Variants in ALDH1L1 observed in about 807,000 individuals in gnomAD.
The protein encoded by ALDH1L1 is aldehyde dehydrogenase 1 family member L1.
A neutral mutation model predicts 101.1 loss-of-function variants in ALDH1L1; 68 were observed. That is an observed-to-expected ratio of 0.67 (90% CI 0.55 to 0.82). ALDH1L1 has a LOEUF of 0.82. Among genes scored for constraint, ALDH1L1 ranks in the 40% least tolerant of loss-of-function variants. ALDH1L1 has a pLI of 0.00. For missense variants in ALDH1L1, 1,087 were observed against 1,172.7 expected (o/e 0.93, Z 1.07); for synonymous variants, 486 against 470.8 (o/e 1.03, Z -0.42).
At chr3:126,124,049 A>G (rs1178245970) in intron 16 of ALDH1L1, among the ~76,000 whole-genome samples, 1 of 152,088 alleles carries the variant, frequency 6.6e-6, no homozygotes, top group Non-Finnish European at 1.5e-5. Flanking sequence ...CTAAAGAAAA[A>G]TTCTCTCAAA....
chr3:126,144,052 T>C (rs1332587847), intron 9 of ALDH1L1, among the ~76,000 whole-genome samples: 3 of 152,168 alleles, frequency 2.0e-5, no homozygotes, highest in African/African-American at 7.2e-5. Context: ...AAAAAAACAG[T>C]TGCAACTCCA....
intron 1 of ALDH1L1, among the ~76,000 whole-genome samples, chr3:126,178,907 G>A (rs2081416516): frequency 6.6e-6 from 1 of 150,782 alleles, no homozygotes; most frequent in African/African-American, 2.5e-5. Context: ...TTAACTGAAT[G>A]TTCTTTTTTT....
chr3:126,178,252 A>G (rs111980730), intron 1 of ALDH1L1, among the ~76,000 whole-genome samples: 7,578 of 151,330 alleles, frequency 0.05, 292 homozygotes, highest in Admixed American at 0.12. Flanking sequence ...GTGGTTGTGC[A>G]TGCCTGTAGT....
chr3:126,192,355 A>G (rs1868135), intron 1 of ALDH1L1, among the ~76,000 whole-genome samples: 97,372 of 152,014 alleles, frequency 0.64, 31,300 homozygotes, highest in African/African-American at 0.69. Context: ...GATAATTTAC[A>G]TAAAGGTTTA....
rs1037604393 is a variant in ALDH1L1 at position 126,136,672 on chromosome 3, C to T, written c.1344+92G>A. 3.3e-6 allele frequency: 5 copies of T among 1,519,702 alleles called. No homozygotes were observed. The African/African-American group carries it at 6.9e-5, about 21-fold the overall frequency. 94.1% of individuals were successfully genotyped at this position (1,519,702 alleles called of 1,614,324 possible). A position where few individuals can be genotyped will look rare whatever the true frequency, so the allele number is the denominator to read the frequency against. ...AGGCACATGTCCAAGCAGAGACTCTCAGGGTCAGGACCCCCAGAGGCCAGT... is the reference window on the plus strand; with the variant it reads ...AGGCACATGTCCAAGCAGAGACTCTTAGGGTCAGGACCCCCAGAGGCCAGT... On this transcript the variant is annotated intron_variant, in intron 11 of 22. Coordinates refer to ENST00000393434, the MANE Select transcript of ALDH1L1 (RefSeq NM_012190.4).
chr3:126,178,966 T>C (rs1167644548), intron 1 of ALDH1L1, among the ~76,000 whole-genome samples: 1 of 151,592 alleles, frequency 6.6e-6, no homozygotes, highest in Admixed American at 6.6e-5. Context: ...GAGTATGTCG[T>C]TCCCCCCCTG....
intron 18 of ALDH1L1, 97 bp downstream of exon 18, chr3:126,114,460 G>A (rs1031085621): frequency 4.7e-5 from 46 of 989,108 alleles, no homozygotes; most frequent in African/African-American, 4.9e-5. Flanking sequence ...AGGGCTACAC[G>A]TGTGAGTGTG....
At chr3:126,179,329 G>A (rs2108343199) in intron 1 of ALDH1L1, among the ~76,000 whole-genome samples, 1 of 152,376 alleles carries the variant, frequency 6.6e-6, no homozygotes, top group Middle Eastern at 3.4e-3. Flanking sequence ...CTGCAGGACT[G>A]CAGCTCTGGG....
Position 126,160,951 on chromosome 3 carries a change from A to G in ALDH1L1, c.29T>C (p.Leu10Pro), listed in dbSNP as rs889438282. 6 of 1,614,110 alleles carry G rather than the reference A, an allele frequency of 3.7e-6. No individual in the cohort carries two copies. In the Admixed American group the frequency reaches 6.7e-5, roughly 18 times the overall value. ...GTGGCAGTAAACTTCCTGGCCAAAC[A>G]GGCTCTGTCCAATCACTGCAATCTT... MKIAVIGQS[L>P]FGQEVYCHLR... The change falls in exon 2 of 23, where the codon CTG becomes CCG. Residue 10 changes from leucine (L) to proline (P), a missense_variant. Around this residue, in one of 2 missense-constraint regions of ALDH1L1, gnomAD observed 645 missense variants for 637.0 expected, o/e 1.01. Transcript: ENST00000393434.
At chr3:126,127,617 G>T (rs959852948) in intron 14 of ALDH1L1, among the ~76,000 whole-genome samples, 1 of 152,198 alleles carries the variant, frequency 6.6e-6, no homozygotes, top group Non-Finnish European at 1.5e-5. Flanking sequence ...GGGCCAGGGT[G>T]CGGCTGAAGA....
intron 17 of ALDH1L1, among the ~76,000 whole-genome samples, chr3:126,117,560 G>A (rs1449168686): frequency 6.6e-6 from 1 of 151,574 alleles, no homozygotes; most frequent in Non-Finnish European, 1.5e-5. Flanking sequence ...GGAGGCTGAG[G>A]AGCATCACTT....
At chr3:126,114,753 C>T (rs769417702) in intron 17 of ALDH1L1, 97 bp from the exon 18 acceptor site, 165 of 1,192,776 alleles carry the variant, frequency 1.4e-4, no homozygotes, top group Non-Finnish European at 2.0e-4. Context: ...CCAAAGCATG[C>T]TTTGCTGCAA....
At position 126,105,749 on chromosome 3, in the gene ALDH1L1, T is replaced by C; in HGVS notation, c.2630A>G (p.Gln877Arg). Residue 877 changes from glutamine to arginine, a missense_variant, in exon 22 of 23, where the codon CAG (glutamine) becomes CGG (arginine). Around this residue, in one of 2 missense-constraint regions of ALDH1L1, gnomAD observed 442 missense variants for 535.7 expected, o/e 0.83. Coordinates refer to ENST00000393434, the MANE Select transcript of ALDH1L1 (RefSeq NM_012190.4). Reference sequence around the variant, plus strand: ...ACCTAGATCTTTGCCAAATCCAGACTGTTTGAATCCTCCGAAGGGAGCGGC... The same window carrying C: ...ACCTAGATCTTTGCCAAATCCAGACCGTTTGAATCCTCCGAAGGGAGCGGC... ...DVAAPFGGFK[Q>R]SGFGKDLGEA... The C allele has an allele frequency of 6.2e-7, 1 of 1,614,186 alleles. No individual in the cohort carries two copies. Among genetic ancestry groups the C allele is most frequent in the Non-Finnish European group, 8.5e-7 (1 of 1,180,030 alleles).
intron 4 of ALDH1L1, chr3:126,156,197 T>C (rs1235764827): frequency 6.6e-6 from 1 of 152,240 alleles, no homozygotes. Flanking sequence ...TAATTCATTT[T>C]AATTGATTTA....
chr3:126,143,490 C>G (rs1422879151), intron 9 of ALDH1L1, among the ~76,000 whole-genome samples: 1 of 152,196 alleles, frequency 6.6e-6, no homozygotes. Flanking sequence ...ATTTTCCAAC[C>G]ATGATTGACC....
intron 6 of ALDH1L1, 28 bp from the exon 7 acceptor site, chr3:126,153,609 G>C: frequency 1.2e-6 from 2 of 1,600,768 alleles, no homozygotes; most frequent in Middle Eastern, 1.7e-4. Flanking sequence ...ATCAGAAGAT[G>C]GTGGGTGAGA....
chr3:126,150,229 A>G (rs2080781078), intron 8 of ALDH1L1, among the ~76,000 whole-genome samples, 177 bp downstream of exon 8: 1 of 152,248 alleles, frequency 6.6e-6, no homozygotes, highest in South Asian at 2.1e-4. Context: ...CAGAGGAAGG[A>G]GCAGCAAGAA....
At chr3:126,148,066 C>T (rs980936974) in intron 8 of ALDH1L1, among the ~76,000 whole-genome samples, 1 of 152,172 alleles carries the variant, frequency 6.6e-6, no homozygotes, top group Non-Finnish European at 1.5e-5. Context: ...CAGACCACAC[C>T]GCTTGGGGCC....
intron 1 of ALDH1L1, among the ~76,000 whole-genome samples, chr3:126,190,955 G>A: frequency 6.6e-6 from 1 of 152,232 alleles, no homozygotes; most frequent in East Asian, 1.9e-4. Flanking sequence ...AATTGGGGAA[G>A]AGTTTCCTTT....
Sources: allele counts gnomAD v4.1 joint callset (sites outside exome capture counted in the v4.1 genomes callset), GRCh38; gene constraint gnomAD v4.1.1; regional missense constraint gnomAD v4.1.1; transcripts MANE v1.5; gene names NCBI Gene and HGNC (gene_info 2026-07-23, HGNC 2026-07-21).